The following TCF7L2 variants were observed in gnomAD, a reference collection of about 807,000 sequenced individuals.
The protein encoded by TCF7L2 is transcription factor 7 like 2.
TCF7L2 carries 23 observed loss-of-function variants against 77.9 expected under a neutral mutation model. The observed-to-expected ratio is 0.30, with a 90% CI of 0.21 to 0.42. TCF7L2 has a LOEUF of 0.42. Among genes scored for constraint, TCF7L2 ranks in the 10% least tolerant of loss-of-function variants. The pLI, the probability that TCF7L2 is intolerant of heterozygous loss-of-function variation, is 1.00. For missense variants in TCF7L2, 654 were observed against 793.1 expected (o/e 0.82, Z 2.11); for synonymous variants, 413 against 340.2 (o/e 1.21, Z -2.36).
At chr10:112,952,165 C>T (rs2031842281) in intron 3 of TCF7L2, among the ~76,000 whole-genome samples, 1 of 152,226 alleles carries the variant, frequency 6.6e-6, no homozygotes, top group Non-Finnish European at 1.5e-5. Context: ...GACTTGAGAA[C>T]TGGCTAGCGC....
intron 5 of TCF7L2, among the ~76,000 whole-genome samples, chr10:113,107,526 G>A (rs759895136): frequency 3.3e-5 from 5 of 151,814 alleles, no homozygotes; most frequent in African/African-American, 9.7e-5. Flanking sequence ...GGTGGATCAC[G>A]AGGTCAGGAA....
chr10:112,974,921 T>G (rs1341407750), intron 4 of TCF7L2, among the ~76,000 whole-genome samples: 1 of 152,174 alleles, frequency 6.6e-6, no homozygotes, highest in African/African-American at 2.4e-5. Context: ...TGAGTTTGAT[T>G]TGGTTGCATG....
chr10:113,101,612 G>T (rs2061643488), intron 5 of TCF7L2, among the ~76,000 whole-genome samples: 1 of 151,954 alleles, frequency 6.6e-6, no homozygotes, highest in South Asian at 2.1e-4. Context: ...GGAGGTTGAG[G>T]TGGGCGGATC....
At chr10:112,983,859 A>G (rs1288714096) in intron 4 of TCF7L2, among the ~76,000 whole-genome samples, 4 of 152,230 alleles carry the variant, frequency 2.6e-5, no homozygotes, top group Non-Finnish European at 4.4e-5. Context: ...TCTCCTGAGG[A>G]AGCAATCAGT....
chr10:113,079,286 A>G (rs1400549958), intron 5 of TCF7L2, among the ~76,000 whole-genome samples: 6 of 152,136 alleles, frequency 3.9e-5, no homozygotes, highest in Non-Finnish European at 1.5e-5. Flanking sequence ...TGAAGACAGG[A>G]AAATTTGTTT....
At chr10:112,996,503 G>A (rs115232932) in intron 4 of TCF7L2, among the ~76,000 whole-genome samples, 1,821 of 152,268 alleles carry the variant, frequency 0.012, 41 homozygotes, top group African/African-American at 0.04. Context: ...CTCAAACCAG[G>A]GCCCCCCTCA....
intron 4 of TCF7L2, among the ~76,000 whole-genome samples, chr10:113,035,376 C>T (rs2050997562): frequency 6.6e-6 from 1 of 152,230 alleles, no homozygotes; most frequent in African/African-American, 2.4e-5. Context: ...GCATGACAAA[C>T]TATGGCCCAT....
intron 3 of TCF7L2, among the ~76,000 whole-genome samples, chr10:112,960,981 T>C (rs1395442580): frequency 6.6e-6 from 1 of 152,066 alleles, no homozygotes; most frequent in Non-Finnish European, 1.5e-5. Context: ...GCGCGAGCCA[T>C]TGCGCCCAGC....
At chr10:113,045,634 T>C (rs1466441086) in intron 5 of TCF7L2, among the ~76,000 whole-genome samples, 4 of 152,092 alleles carry the variant, frequency 2.6e-5, no homozygotes, top group Non-Finnish European at 5.9e-5. Context: ...TGCAAAGGGC[T>C]CATTGACATA....
intron 5 of TCF7L2, among the ~76,000 whole-genome samples, chr10:113,111,502 T>C (rs556010348): frequency 1.3e-5 from 2 of 152,294 alleles, no homozygotes; most frequent in East Asian, 3.9e-4. Flanking sequence ...TTGCTGAAAT[T>C]ACTAACCAAC....
intron 3 of TCF7L2, among the ~76,000 whole-genome samples, chr10:112,953,633 C>T (rs1235878138): frequency 3.3e-5 from 5 of 152,138 alleles, no homozygotes; most frequent in Non-Finnish European, 7.3e-5. Flanking sequence ...TTTTTAAACT[C>T]GCTGTCTGAT....
chr10:113,026,492 GA>G (rs2049198392), intron 4 of TCF7L2, among the ~76,000 whole-genome samples: 1 of 152,140 alleles, frequency 6.6e-6, no homozygotes, highest in South Asian at 2.1e-4. Context: ...GCTTTTTCTA[GA>G]CCCTTCTGTC....
intron 5 of TCF7L2, among the ~76,000 whole-genome samples, chr10:113,052,842 C>T (rs2054697211): frequency 6.6e-6 from 1 of 152,202 alleles, no homozygotes; most frequent in Admixed American, 6.5e-5. Context: ...TTTCCTCCCA[C>T]CTTTCTATTA....
intron 4 of TCF7L2, among the ~76,000 whole-genome samples, chr10:112,973,711 T>A (rs2038793945): frequency 6.6e-6 from 1 of 152,290 alleles, no homozygotes; most frequent in South Asian, 2.1e-4. Flanking sequence ...TGCCTCAGCC[T>A]CCCAAGTATC....
intron 5 of TCF7L2, among the ~76,000 whole-genome samples, chr10:113,113,792 A>G (rs1303307956): frequency 6.6e-6 from 1 of 152,172 alleles, no homozygotes; most frequent in Non-Finnish European, 1.5e-5. Context: ...TAGTTTTCCA[A>G]GGACCTTTTT....
intron 5 of TCF7L2, among the ~76,000 whole-genome samples, chr10:113,100,879 C>T (rs2061555001): frequency 6.6e-6 from 1 of 152,042 alleles, no homozygotes; most frequent in Non-Finnish European, 1.5e-5. Context: ...AGTTCGAGAC[C>T]AGCCTGACCA....
At chr10:112,953,312 C>T (rs190363105) in intron 3 of TCF7L2, among the ~76,000 whole-genome samples, 2 of 152,272 alleles carry the variant, frequency 1.3e-5, no homozygotes, top group Non-Finnish European at 2.9e-5. Context: ...GCTCAACCCC[C>T]TTCTCCAGGG....
At chr10:113,129,951 G>A in intron 5 of TCF7L2, 2 of 1,291,838 alleles carry the variant, frequency 1.5e-6, no homozygotes, top group Non-Finnish European at 2.0e-6. Context: ...CTCTGTTCCA[G>A]CAGTTGGGCG....
intron 4 of TCF7L2, among the ~76,000 whole-genome samples, chr10:112,969,324 CTT>C (rs938224402): frequency 6.6e-6 from 1 of 152,164 alleles, no homozygotes; most frequent in Non-Finnish European, 1.5e-5. Flanking sequence ...ATGGTTTGCT[CTT>C]TTTCATGGCC....
Sources: allele counts gnomAD v4.1 joint callset (sites outside exome capture counted in the v4.1 genomes callset), GRCh38; gene constraint gnomAD v4.1.1; transcripts MANE v1.5; gene names NCBI Gene and HGNC (gene_info 2026-07-23, HGNC 2026-07-21).